AVIL: variants seen among roughly 807,000 people sequenced by gnomAD.
The protein encoded by AVIL is advillin.
In AVIL, 78 loss-of-function variants were observed where a neutral mutation model predicts 109.9. That is an observed-to-expected ratio of 0.71 (90% CI 0.59 to 0.86). The LOEUF (loss-of-function observed/expected upper bound fraction) is 0.86. AVIL is among the 40% of genes least tolerant of loss of function. AVIL has a pLI of 0.00. For synonymous variants in AVIL, 367 were observed against 379.1 expected (o/e 0.97, Z 0.37); for missense variants, 892 against 1,016.5 (o/e 0.88, Z 1.67).
At chr12:57,818,325 C>T (rs1449786859) in intron 1 of AVIL, among the ~76,000 whole-genome samples, 1 of 151,124 alleles carries the variant, frequency 6.6e-6, no homozygotes, top group African/African-American at 2.4e-5. Flanking sequence ...CAGGTGTAAG[C>T]CACCTCTCTG....
In AVIL at chr12:57,809,636, G is replaced by A; in HGVS notation, c.900C>T (p.Ala300=). Residue 300 remains alanine (A), a synonymous_variant, in exon 9 of 20, where the codon GCC becomes GCT. Coordinates refer to ENST00000549994, the MANE Select transcript of AVIL (RefSeq NM_006576.4). The part of the protein sequence containing the change: ...TKIYVWKGKG[A]TKAEKQAAMS... ...TGGCTGCCTGTTTTTCAGCCTTTGT[G>A]GCTCCTTTTCCTTTCCACACGTAGA... is the stretch of plus-strand genomic sequence containing the variant. 1 of 1,614,204 alleles carries A rather than the reference G, an allele frequency of 6.2e-7. No individual in the cohort carries two copies. The highest frequency in any genetic ancestry group is 8.5e-7 in the Non-Finnish European group (1 of 1,180,040).
chr12:57,812,225 G>A (rs142986229), intron 4 of AVIL, among the ~76,000 whole-genome samples: 63 of 152,228 alleles, frequency 4.1e-4, no homozygotes, highest in African/African-American at 1.4e-3. Flanking sequence ...TGGAGATGAG[G>A]GTCTTACTGT....
chr12:57,810,331 C>T lies in AVIL; in HGVS notation c.761+18G>A, dbSNP rs1415737551. 1 of 1,609,242 alleles carries T rather than the reference C, an allele frequency of 6.2e-7. No individual in the cohort carries two copies. Among genetic ancestry groups the T allele is most frequent in the South Asian group, 1.1e-5 (1 of 91,002 alleles). ...CCCCAACCCCAGCTTCCAGCTAAAA[C>T]CAGGTTGAGCTACTCACTGATACAA... On this transcript the variant is annotated intron_variant, in intron 7 of 19. Transcript: ENST00000549994.
intron 4 of AVIL, among the ~76,000 whole-genome samples, chr12:57,812,448 G>A (rs187592599): frequency 8.3e-4 from 127 of 152,178 alleles, no homozygotes; most frequent in Non-Finnish European, 1.4e-3. Flanking sequence ...TGCAACCTTC[G>A]CCTCCTGGGT....
rs763893013 is a variant in AVIL, at chr12:57,806,372, C to T, written c.1659G>A (p.Leu553=). The T allele has an allele frequency of 3.1e-6, 5 of 1,613,958 alleles. No homozygotes were observed. In the African/African-American group the frequency reaches 4.0e-5, roughly 13 times the overall value. ...CCAGCCATCCTACCTTGCCATACCA[C>T]AGGTAGTGCTCTGCCTGAGTTCGCA... ...FLLRTQAEHY[L]WYGKGSSGDE... The change falls in exon 14 of 20, where the codon CTG becomes CTA. Residue 553 remains leucine, a synonymous_variant. Transcript: ENST00000549994.
chr12:57,797,797 C>T lies in AVIL; in HGVS notation c.*85G>A, dbSNP rs1281983658. On this transcript the variant is annotated 3_prime_UTR_variant, in exon 20 of 20. Transcript: ENST00000549994. Reference sequence around the variant, plus strand: ...CTAAATTAAGTAGCTGAATGTCAGGCAGAAATTGGTGGATAAATTATTTCC... The same window carrying T: ...CTAAATTAAGTAGCTGAATGTCAGGTAGAAATTGGTGGATAAATTATTTCC... 9.2e-7 allele frequency: 1 copy of T among 1,087,870 alleles called. No homozygotes were observed. Among genetic ancestry groups the T allele is most frequent in the Non-Finnish European group, 1.3e-6 (1 of 791,174 alleles). The allele number at this position is 1,087,870 out of a possible 1,614,324, so 67.4% of individuals were successfully genotyped here. A position where few individuals can be genotyped will look rare whatever the true frequency, so the allele number is the denominator to read the frequency against.
At chr12:57,802,392 A>G (rs774508992) in intron 16 of AVIL, 44 bp from the exon 17 acceptor site, 14 of 1,553,932 alleles carry the variant, frequency 9.0e-6, no homozygotes, top group Non-Finnish European at 1.2e-5. Context: ...GTTCATACCA[A>G]GGACTAAGTA....
At position 57,808,494 on chromosome 12, in the gene AVIL, C is replaced by T. The variant is rs147666040; in HGVS notation, c.994G>A (p.Asp332Asn). ...TTGAACATGGCCGACTCAGCACCAT[C>T]GTTGACGGTCTCCACATTGGTGCTG... ...PSSTNVETVN[D>N]GAESAMFKQL... is the part of the protein sequence containing the mutation. Residue 332 changes from aspartate to asparagine, a missense_variant, in exon 10 of 20, where the codon GAT (aspartate) becomes AAT (asparagine). Coordinates refer to ENST00000549994, the MANE Select transcript of AVIL (RefSeq NM_006576.4). 99 of 1,614,056 alleles carry T rather than the reference C, an allele frequency of 6.1e-5. No homozygotes were observed. Among genetic ancestry groups the T allele is most frequent in the East Asian group, 5.8e-4 (26 of 44,896 alleles).
In AVIL at chr12:57,806,540, C is replaced by T. The variant is rs1955950174; in HGVS notation, c.1492-1G>A. 3 of 1,613,742 alleles carry T rather than the reference C, an allele frequency of 1.9e-6. No individual in the cohort carries two copies. The highest frequency in any genetic ancestry group is 1.7e-5 in the Admixed American group (1 of 59,982). Reference sequence around the variant, plus strand: ...CATTTCCCTTCCTGGAAGTCCCACCCTAGAGAGAAGAAAAGCAGAGTCCAG... The same window carrying T: ...CATTTCCCTTCCTGGAAGTCCCACCTTAGAGAGAAGAAAAGCAGAGTCCAG... On this transcript the variant is annotated splice_acceptor_variant, in intron 13 of 19. Coordinates refer to ENST00000549994, the MANE Select transcript of AVIL (RefSeq NM_006576.4). LOFTEE classifies it high-confidence loss of function.
At chr12:57,815,675 G>T in intron 2 of AVIL, 2 of 1,360,768 alleles carry the variant, frequency 1.5e-6, no homozygotes, top group South Asian at 1.3e-5. Context: ...GGTCCCACCT[G>T]TCTTTCCAGG....
rs1484168216 is a variant in AVIL at position 57,809,815 on chromosome 12, A to G, written c.837T>C (p.His279=). The change falls in exon 8 of 20, where the codon CAT becomes CAC. Residue 279 remains histidine, a synonymous_variant. Transcript: ENST00000549994. ...AGTCCACCCAAACTCTACTTACATC[A>G]TGGTTCAGTAAGTCCTGGACCAGAG... ...TRPLVQDLLN[H]DDCYILDQSG... is the part of the protein sequence containing the mutation. 2 of 1,614,080 alleles carry G rather than the reference A, an allele frequency of 1.2e-6. No individual in the cohort carries two copies. The highest frequency in any genetic ancestry group is 1.7e-5 in the Admixed American group (1 of 60,012).
At position 57,797,469 on chromosome 12, in the gene AVIL, A is replaced by G. The variant is rs928918291; in HGVS notation, c.*413T>C. 2 of 983,300 alleles carry G rather than the reference A, an allele frequency of 2.0e-6. No individual in the cohort carries two copies. The highest frequency in any genetic ancestry group is 3.5e-5 in the African/African-American group (2 of 57,200). The allele number at this position is 983,300 out of a possible 1,614,324, so 60.9% of individuals were successfully genotyped here. A position where few individuals can be genotyped will look rare whatever the true frequency, so the allele number is the denominator to read the frequency against. On this transcript the variant is annotated 3_prime_UTR_variant, in exon 20 of 20. Transcript: ENST00000549994. ...TGGATTTTGCCTATGGAGTGCATAT[A>G]TGATTTCAATGATTTACAGGCTAAA...
chr12:57,805,375 C>A (rs1463588649), intron 14 of AVIL, among the ~76,000 whole-genome samples: 1 of 151,814 alleles, frequency 6.6e-6, no homozygotes, highest in African/African-American at 2.4e-5. Flanking sequence ...TTTTAATCCA[C>A]TATTGCAATA....
chr12:57,800,047 A>G, intron 18 of AVIL, 127 bp from the exon 19 acceptor site: 1 of 1,242,450 alleles, frequency 8.0e-7, no homozygotes, highest in Non-Finnish European at 1.1e-6. Context: ...CATCTTTGAT[A>G]ACAATGCTCC....
chr12:57,814,095 A>C, intron 3 of AVIL, 57 bp downstream of exon 3: 1 of 1,577,682 alleles, frequency 6.3e-7, no homozygotes, highest in Non-Finnish European at 8.7e-7. Flanking sequence ...CTCCCAGTAC[A>C]GCCCAAGAAC....
intron 14 of AVIL, 65 bp downstream of exon 14, chr12:57,806,295 A>T: frequency 6.4e-7 from 1 of 1,566,450 alleles, no homozygotes. Flanking sequence ...CCTTGCTGAC[A>T]GGAGGAGGGG....
intron 1 of AVIL, chr12:57,816,597 C>A (rs372845648): frequency 1.3e-5 from 2 of 152,168 alleles, no homozygotes; most frequent in African/African-American, 4.8e-5. Flanking sequence ...AAAATATTTC[C>A]AAACTCAGTT....
At chr12:57,800,019 C>T in intron 18 of AVIL, 99 bp from the exon 19 acceptor site, 1 of 1,444,272 alleles carries the variant, frequency 6.9e-7, no homozygotes, top group Non-Finnish European at 9.5e-7. Flanking sequence ...TGACTTATGC[C>T]ACTTCACCCT....
At chr12:57,803,471 C>T in intron 15 of AVIL, 53 bp downstream of exon 15, 1 of 1,613,690 alleles carries the variant, frequency 6.2e-7, no homozygotes, top group Admixed American at 1.7e-5. Flanking sequence ...GTGCAATTCA[C>T]AAGCCTGGCA....
Sources: gnomAD v4.1 joint callset for allele counts (sites outside exome capture counted in the v4.1 genomes callset) on GRCh38, gnomAD v4.1.1 for gene constraint, MANE v1.5 for transcripts, NCBI Gene and HGNC (gene_info 2026-07-23, HGNC 2026-07-21) for gene names.